The following RIMBP2 variants were observed in gnomAD, a reference collection of about 807,000 sequenced individuals.
RIMBP2 encodes the protein RIMS binding protein 2.
A neutral mutation model predicts 118.6 loss-of-function variants in RIMBP2; 48 were observed. The ratio of observed to expected loss-of-function variants is 0.40; its 90% CI spans 0.32 to 0.51. The LOEUF is 0.51. RIMBP2 is among the 20% of genes least tolerant of loss of function. RIMBP2 has a pLI of 0.41. For missense variants in RIMBP2, 1,551 were observed against 1,768.3 expected, an observed-to-expected ratio of 0.88 and a Z score of 2.20; for synonymous variants, 762 against 742.9, an observed-to-expected ratio of 1.03 and a Z score of -0.42.
chr12:130,421,689 ATATGTGTG>A (rs1447751516), intron 17 of RIMBP2, among the ~76,000 whole-genome samples: 1 of 106,954 alleles, frequency 9.3e-6, no homozygotes, highest in Non-Finnish European at 1.7e-5. Flanking sequence ...CCCTGCATTT[ATATGTGTG>A]TGTGTGTGTG....
At chr12:130,707,715 G>T (rs1373837983) in intron 1 of RIMBP2, among the ~76,000 whole-genome samples, 1 of 152,218 alleles carries the variant, frequency 6.6e-6, no homozygotes, top group Non-Finnish European at 1.5e-5. Context: ...GGAGGCCTGG[G>T]GGCGCTGAGG....
At chr12:130,645,528 C>G (rs550298589) in intron 1 of RIMBP2, among the ~76,000 whole-genome samples, 2 of 152,302 alleles carry the variant, frequency 1.3e-5, no homozygotes, top group South Asian at 4.2e-4. Flanking sequence ...ACGGGATGGG[C>G]AGAGAACTCA....
chr12:130,630,961 A>G (rs1187809391), intron 1 of RIMBP2, among the ~76,000 whole-genome samples: 5 of 152,210 alleles, frequency 3.3e-5, no homozygotes, highest in African/African-American at 1.2e-4. Flanking sequence ...TGGGGAAAAA[A>G]AAAAGATAAA....
chr12:130,593,933 T>C (rs2059417181), intron 2 of RIMBP2, among the ~76,000 whole-genome samples: 1 of 152,258 alleles, frequency 6.6e-6, no homozygotes, highest in Admixed American at 6.5e-5. Flanking sequence ...GGTTCTCTTC[T>C]GGTGGTTTGC....
chr12:130,595,511 C>T (rs567447758), intron 2 of RIMBP2, among the ~76,000 whole-genome samples: 1 of 152,200 alleles, frequency 6.6e-6, no homozygotes, highest in Admixed American at 6.5e-5. Context: ...GATCACGCCA[C>T]AGCACTCCAG....
At chr12:130,639,163 A>G (rs10848168) in intron 1 of RIMBP2, among the ~76,000 whole-genome samples, 107,288 of 151,028 alleles carry the variant, frequency 0.71, 38,554 homozygotes, top group Middle Eastern at 0.79. Flanking sequence ...CGAGGCGGGT[A>G]GATCACCTGA....
intron 1 of RIMBP2, among the ~76,000 whole-genome samples, chr12:130,705,035 C>T (rs1168707008): frequency 1.3e-5 from 2 of 152,162 alleles, no homozygotes; most frequent in Non-Finnish European, 2.9e-5. Context: ...GCCCAGAAGC[C>T]GGGGTGGCAA....
At chr12:130,536,297 T>TCCTGAAATGCCCATGACCC (rs1233306975) in intron 2 of RIMBP2, among the ~76,000 whole-genome samples, 3 of 152,134 alleles carry the variant, frequency 2.0e-5, no homozygotes. Context: ...ATCCCTGGCC[T>TCCTGAAATGCCCATGACCC]CCTGAAATGC....
At chr12:130,490,807 C>T (rs866097782) in intron 4 of RIMBP2, among the ~76,000 whole-genome samples, 1 of 152,150 alleles carries the variant, frequency 6.6e-6, no homozygotes, top group Non-Finnish European at 1.5e-5. Flanking sequence ...CTCGGCTTAC[C>T]GGCCAGTCCA....
chr12:130,616,855 T>C (rs1484902293), intron 2 of RIMBP2, among the ~76,000 whole-genome samples: 1 of 152,098 alleles, frequency 6.6e-6, no homozygotes. Flanking sequence ...GAGGGTGACT[T>C]TGGTTTCCAG....
chr12:130,606,821 A>G (rs1163030346), intron 2 of RIMBP2, among the ~76,000 whole-genome samples: 3 of 152,098 alleles, frequency 2.0e-5, no homozygotes, highest in African/African-American at 7.2e-5. Flanking sequence ...AGTCCGAGTC[A>G]CCACAACAAG....
At chr12:130,495,167 G>T (rs1404220563) in intron 4 of RIMBP2, among the ~76,000 whole-genome samples, 1 of 152,208 alleles carries the variant, frequency 6.6e-6, no homozygotes, top group Non-Finnish European at 1.5e-5. Flanking sequence ...CAGATACATA[G>T]ATTTAGGACT....
intron 1 of RIMBP2, among the ~76,000 whole-genome samples, chr12:130,656,270 A>G (rs1027473255): frequency 6.6e-6 from 1 of 152,120 alleles, no homozygotes; most frequent in Non-Finnish European, 1.5e-5. Context: ...TCCCTCCCAC[A>G]GGGGAAGGGA....
chr12:130,436,493 A>G (rs1235547551), intron 13 of RIMBP2, among the ~76,000 whole-genome samples: 1 of 152,124 alleles, frequency 6.6e-6, no homozygotes, highest in Non-Finnish European at 1.5e-5. Flanking sequence ...AACCAGGAAG[A>G]GCCTGGTTCA....
At chr12:130,705,446 T>G (rs1342083616) in intron 1 of RIMBP2, among the ~76,000 whole-genome samples, 1 of 152,180 alleles carries the variant, frequency 6.6e-6, no homozygotes, top group Non-Finnish European at 1.5e-5. Flanking sequence ...ATTTGTCATG[T>G]CCGTGACTGT....
intron 2 of RIMBP2, among the ~76,000 whole-genome samples, chr12:130,560,822 T>C (rs1255480120): frequency 1.3e-5 from 2 of 152,184 alleles, no homozygotes; most frequent in Non-Finnish European, 2.9e-5. Context: ...TTTCTTGCAA[T>C]CCAGTATTAA....
chr12:130,538,409 T>A (rs574374175), intron 2 of RIMBP2, among the ~76,000 whole-genome samples: 1 of 152,086 alleles, frequency 6.6e-6, no homozygotes, highest in Non-Finnish European at 1.5e-5. Context: ...ATTTCTGGGA[T>A]CCCTCAGAAA....
intron 2 of RIMBP2, among the ~76,000 whole-genome samples, chr12:130,599,609 T>C (rs2059756259): frequency 6.6e-6 from 1 of 152,208 alleles, no homozygotes; most frequent in Non-Finnish European, 1.5e-5. Flanking sequence ...ACACTGGGCA[T>C]GCAAGTGCTA....
At chr12:130,498,118 G>A (rs1199274715) in intron 4 of RIMBP2, among the ~76,000 whole-genome samples, 2 of 151,508 alleles carry the variant, frequency 1.3e-5, no homozygotes, top group Admixed American at 6.6e-5. Context: ...CATGAAGGCA[G>A]CACTGACTCC....
Sources: gnomAD v4.1 joint callset for allele counts (sites outside exome capture counted in the v4.1 genomes callset) on GRCh38, gnomAD v4.1.1 for gene constraint, MANE v1.5 for transcripts, NCBI Gene and HGNC (gene_info 2026-07-23, HGNC 2026-07-21) for gene names.